ZNF585B: variants seen among roughly 807,000 people sequenced by gnomAD.
ZNF585B encodes the protein zinc finger protein 41-like protein.
ZNF585B carries 7 observed loss-of-function variants against 14.0 expected under a neutral mutation model. The observed-to-expected ratio is 0.50, with a 90% CI of 0.28 to 0.94. ZNF585B has a LOEUF of 0.94. ZNF585B is among the 40% of genes least tolerant of loss of function. The pLI is 0.09. For missense variants in ZNF585B, 750 were observed against 924.4 expected (o/e 0.81, Z 2.45); for synonymous variants, 290 against 317.3 (o/e 0.91, Z 0.91).
chr19:37,187,054 AATAC>A lies in ZNF585B; in HGVS notation c.479_482del (p.Cys160LeufsTer21), dbSNP rs1972345523. 1 of 1,613,370 alleles carries A rather than the reference AATAC, an allele frequency of 6.2e-7. No individual in the cohort carries two copies. Among genetic ancestry groups the A allele is most frequent in the Non-Finnish European group, 8.5e-7 (1 of 1,179,826 alleles). On this transcript the variant is annotated frameshift_variant, in exon 5 of 5. Coordinates refer to ENST00000532828, the MANE Select transcript of ZNF585B (RefSeq NM_152279.4). LOFTEE classifies it low-confidence loss of function (END_TRUNC). ...TCTGTACAAAAGCCCTCCCACATTCAATACATACATAGAGTTTTTCTCCTGTAGG... is the reference window on the plus strand; with the variant it reads ...TCTGTACAAAAGCCCTCCCACATTCAATACATAGAGTTTTTCTCCTGTAGG...
At position 37,184,443 on chromosome 19, in the gene ZNF585B, G is replaced by GAAAGAAAGA; in HGVS notation, c.*783_*784insTCTTTCTTT. On this transcript the variant is annotated 3_prime_UTR_variant, in exon 5 of 5. Transcript: ENST00000532828. ...GAAAGAAAGAAAAAGAAAGAAAGAA[G>GAAAGAAAGA]GAAAGAAAGAAAGAAAGAAAGAAAG... is the stretch of plus-strand genomic sequence containing the variant. The GAAAGAAAGA allele has an allele frequency of 3.4e-5, 2 of 58,892 alleles. 1 individual carries two copies. The highest frequency in any genetic ancestry group is 9.9e-4 in the East Asian group (2 of 2,030). The allele number at this position is 58,892 out of a possible 1,614,324, so 3.6% of individuals were successfully genotyped here. A position where few individuals can be genotyped will look rare whatever the true frequency, so the allele number is the denominator to read the frequency against.
chr19:37,195,271 G>A (rs145622937), intron 2 of ZNF585B, among the ~76,000 whole-genome samples: 4 of 146,270 alleles, frequency 2.7e-5, no homozygotes, highest in South Asian at 2.2e-4. Context: ...ACTGGAACCC[G>A]GGAGGAGGAG....
chr19:37,185,898 C>G lies in ZNF585B; in HGVS notation c.1639G>C (p.Glu547Gln), dbSNP rs1568505770. 6.2e-7 allele frequency: 1 copy of G among 1,614,072 alleles called. No homozygotes were observed. The highest frequency in any genetic ancestry group is 1.1e-5 in the South Asian group (1 of 91,050). ...LNIHQKIHTG[E>Q]RQYECHECGK... ...CATTCGTGGCATTCATACTGTCTCT[C>G]TCCAGTGTGAATTTTCTGATGTATA... Residue 547 changes from glutamate (E) to glutamine (Q), a missense_variant, in exon 5 of 5, where the codon GAG (glutamate) becomes CAG (glutamine). This residue lies in a region of ZNF585B where 233 missense variants were observed against 354.1 expected (regional missense o/e 0.66). Transcript: ENST00000532828.
chr19:37,192,340 T>C (rs750455651), intron 2 of ZNF585B, among the ~76,000 whole-genome samples: 4 of 152,074 alleles, frequency 2.6e-5, no homozygotes, highest in Non-Finnish European at 4.4e-5. Context: ...TTACATTTCA[T>C]AGAGCGGAAG....
intron 2 of ZNF585B, 73 bp from the exon 3 acceptor site, chr19:37,190,223 G>A (rs987301007): frequency 7.6e-6 from 12 of 1,575,210 alleles, no homozygotes; most frequent in Non-Finnish European, 9.5e-6. Flanking sequence ...TGGGATTACG[G>A]AACATGGGTT....
chr19:37,209,723 C>CTTT (rs755649009), intron 1 of ZNF585B, among the ~76,000 whole-genome samples: 58 of 117,962 alleles, frequency 4.9e-4, no homozygotes, highest in African/African-American at 9.3e-4. Flanking sequence ...AAGTGCACTT[C>CTTT]TTTTTTTTTT....
Position 37,186,992 on chromosome 19 carries a change from C to T in ZNF585B, c.545G>A (p.Arg182Lys). The stretch of plus-strand genomic sequence containing the variant: ...TTCATTGCACTTATAGGGCTTCTCT[C>T]TCATATGGGTTTTCTGATGTGTGAT... The part of the protein sequence containing the change: ...EFITHQKTHM[R>K]EKPYKCNECG... The change falls in exon 5 of 5, where the codon AGA becomes AAA. Residue 182 changes from arginine to lysine, a missense_variant. Physicochemically the swap from Arg to Lys is conservative, Grantham distance 26. Around this residue, in one of 2 missense-constraint regions of ZNF585B, gnomAD observed 517 missense variants for 570.3 expected, o/e 0.91. Coordinates refer to ENST00000532828, the MANE Select transcript of ZNF585B (RefSeq NM_152279.4). 1 of 1,613,650 alleles carries T rather than the reference C, an allele frequency of 6.2e-7. No homozygotes were observed. The highest frequency in any genetic ancestry group is 8.5e-7 in the Non-Finnish European group (1 of 1,179,892).
intron 2 of ZNF585B, among the ~76,000 whole-genome samples, chr19:37,201,182 T>C (rs1016599448): frequency 6.6e-6 from 1 of 151,640 alleles, no homozygotes; most frequent in Non-Finnish European, 1.5e-5. Context: ...AGCAAAGGCC[T>C]ATCTGGAATT....
At chr19:37,197,132 C>T (rs1395947008) in intron 2 of ZNF585B, among the ~76,000 whole-genome samples, 1 of 151,630 alleles carries the variant, frequency 6.6e-6, no homozygotes, top group East Asian at 1.9e-4. Context: ...CCTCTCCCAG[C>T]CCCCCACCCC....
intron 2 of ZNF585B, among the ~76,000 whole-genome samples, chr19:37,200,419 G>A (rs373076404): frequency 1.3e-5 from 2 of 150,218 alleles, no homozygotes; most frequent in South Asian, 2.1e-4. Context: ...GCATGGTGGC[G>A]CGCGCCTGTA....
rs959695435 is a variant in ZNF585B, at chr19:37,207,190, C to T, written c.-79G>A. ...ATCTGTGAACTCAGCAGAGCTGCTC[C>T]GAAGAGGTGGGCTGGAGTCTGGAGG... On this transcript the variant is annotated 5_prime_UTR_variant, in exon 2 of 5. Coordinates refer to ENST00000532828, the MANE Select transcript of ZNF585B (RefSeq NM_152279.4). 7 of 1,596,118 alleles carry T rather than the reference C, an allele frequency of 4.4e-6. No individual in the cohort carries two copies. The East Asian group carries it at 6.8e-5, about 15-fold the overall frequency.
At position 37,184,480 on chromosome 19, in the gene ZNF585B, G is replaced by C. The variant is rs1357948457; in HGVS notation, c.*747C>G. Reference sequence around the variant, plus strand: ...AGAAAGAAAGAAAGAAAGAAAGAAAGAAAGAAAGAAAGAAAGAAAGAAAGA... The same window carrying C: ...AGAAAGAAAGAAAGAAAGAAAGAAACAAAGAAAGAAAGAAAGAAAGAAAGA... On this transcript the variant is annotated 3_prime_UTR_variant, in exon 5 of 5. Transcript: ENST00000532828. The C allele has an allele frequency of 8.6e-6, 1 of 116,248 alleles. No individual in the cohort carries two copies. Among genetic ancestry groups the C allele is most frequent in the Non-Finnish European group, 1.8e-5 (1 of 55,406 alleles). 7.2% of individuals were successfully genotyped at this position (116,248 alleles called of 1,614,324 possible).
At chr19:37,199,572 AAAGAT>A in intron 2 of ZNF585B, 1 of 416,094 alleles carries the variant, frequency 2.4e-6, no homozygotes, top group East Asian at 7.9e-5. Context: ...CTCCTCACTC[AAAGAT>A]AATACTAAGC....
At chr19:37,189,578 C>A in intron 4 of ZNF585B, 83 bp downstream of exon 4, 1 of 1,513,158 alleles carries the variant, frequency 6.6e-7, no homozygotes, top group Non-Finnish European at 9.1e-7. Context: ...TAGCACTTCA[C>A]AGGTTCCAGT....
intron 2 of ZNF585B, among the ~76,000 whole-genome samples, chr19:37,196,706 TAATA>T (rs1005029683): frequency 6.6e-6 from 1 of 152,194 alleles, no homozygotes; most frequent in Admixed American, 6.5e-5. Context: ...ACTTAATAAA[TAATA>T]AATATATTTT....
In ZNF585B at chr19:37,190,222, G is replaced by A. The variant is rs149683908; in HGVS notation, c.73-72C>T. On this transcript the variant is annotated intron_variant, in intron 2 of 4. Transcript: ENST00000532828. ...GTGGAGTGACTATATATGGGATTAC[G>A]GAACATGGGTTTTGTTGTTTTTAAT... is the stretch of plus-strand genomic sequence containing the variant. The A allele has an allele frequency of 5.4e-5, 85 of 1,575,910 alleles. 1 individual carries two copies. The African/African-American group carries it at 7.5e-4, about 14-fold the overall frequency.
rs1972333273 is a variant in ZNF585B, at chr19:37,186,341, A to G, written c.1196T>C (p.Val399Ala). ...RAFTQKSALT[V>A]HQRIHTGEKS... ...TTCTCCTGTATGAATTCTCTGATGC[A>G]CTGTGAGTGCTGACTTCTGAGTGAA... is the stretch of plus-strand genomic sequence containing the variant. The change falls in exon 5 of 5, where the codon GTG (valine) becomes GCG (alanine). Residue 399 changes from valine to alanine, a missense_variant. This residue lies in a region of ZNF585B where 517 missense variants were observed against 570.3 expected (regional missense o/e 0.91). Coordinates refer to ENST00000532828, the MANE Select transcript of ZNF585B (RefSeq NM_152279.4). 1.2e-6 allele frequency: 2 copies of G among 1,614,140 alleles called. No homozygotes were observed. The highest frequency in any genetic ancestry group is 1.7e-6 in the Non-Finnish European group (2 of 1,180,012).
In ZNF585B at chr19:37,186,570, C is replaced by G. The variant is rs752877806; in HGVS notation, c.967G>C (p.Val323Leu). ...LQVHQRVHTR[V>L]KPYICTEYGK... is the part of the protein sequence containing the mutation. ...TATTCGGTACATATATAGGGCTTCA[C>G]TCTTGTGTGAACACGTTGATGTACC... The change falls in exon 5 of 5, where the codon GTG (valine) becomes CTG (leucine). Residue 323 changes from valine to leucine, a missense_variant. This residue lies in a region of ZNF585B where 517 missense variants were observed against 570.3 expected (regional missense o/e 0.91). Coordinates refer to ENST00000532828, the MANE Select transcript of ZNF585B (RefSeq NM_152279.4). 3.7e-6 allele frequency: 6 copies of G among 1,614,216 alleles called. No homozygotes were observed. Among genetic ancestry groups the G allele is most frequent in the African/African-American group, 1.3e-5 (1 of 75,048 alleles).
chr19:37,201,372 G>C (rs1338258697), intron 2 of ZNF585B, among the ~76,000 whole-genome samples: 1 of 152,072 alleles, frequency 6.6e-6, no homozygotes, highest in Non-Finnish European at 1.5e-5. Context: ...ATAATAGCAA[G>C]AAATACATTG....
Sources: allele counts gnomAD v4.1 joint callset (sites outside exome capture counted in the v4.1 genomes callset), GRCh38; gene constraint gnomAD v4.1.1; regional missense constraint gnomAD v4.1.1; transcripts MANE v1.5; gene names NCBI Gene and HGNC (gene_info 2026-07-23, HGNC 2026-07-21).